MAGI1: variants seen among roughly 807,000 people sequenced by gnomAD.
MAGI1 encodes the protein membrane-associated guanylate kinase, WW and PDZ domain-containing protein 1.
In MAGI1, 58 loss-of-function variants were observed where a neutral mutation model predicts 139.9. The ratio of observed to expected loss-of-function variants is 0.41; its 90% CI spans 0.34 to 0.52. The LOEUF is 0.52. Among genes scored for constraint, MAGI1 ranks in the 20% least tolerant of loss-of-function variants. MAGI1 has a pLI of 0.12. For synonymous variants in MAGI1, 812 were observed against 737.9 expected (o/e 1.10, Z -1.63); for missense variants, 1,874 against 1,901.6 (o/e 0.99, Z 0.27).
chr3:65,970,501 A>G (rs2064969892), intron 1 of MAGI1, among the ~76,000 whole-genome samples: 2 of 151,366 alleles, frequency 1.3e-5, no homozygotes, highest in East Asian at 3.9e-4. Context: ...ATTTTGTGTC[A>G]GGTATACTTT....
In MAGI1 at chr3:65,578,999, G is replaced by A. The variant is rs796945603; in HGVS notation, c.430+42973C>T. On this transcript the variant is annotated intron_variant, in intron 2 of 22. Transcript: ENST00000402939. ...TATTCCCTGCAAGCTCTCCTAAAGC[G>A]ATGCATTTTTTTGCGGGGGAGGGGT... 6.9e-4 allele frequency among the ~76,000 whole-genome samples: 105 copies of A among 151,682 alleles called. 1 individual carries two copies. Among genetic ancestry groups the A allele is most frequent in the African/African-American group, 2.4e-3 (98 of 41,324 alleles).
chr3:65,760,931 G>C (rs1422434235), intron 1 of MAGI1, among the ~76,000 whole-genome samples: 2 of 152,200 alleles, frequency 1.3e-5, no homozygotes, highest in African/African-American at 2.4e-5. Flanking sequence ...TTTGAAACAA[G>C]GGGTAGAGGT....
At chr3:65,621,685 A>G (rs1458819751) in intron 2 of MAGI1, among the ~76,000 whole-genome samples, 1 of 152,184 alleles carries the variant, frequency 6.6e-6, no homozygotes, top group African/African-American at 2.4e-5. Context: ...TTGACTCCTC[A>G]TAGCAGTTCC....
chr3:65,504,613 C>T (rs183941268), intron 2 of MAGI1, among the ~76,000 whole-genome samples: 5 of 152,258 alleles, frequency 3.3e-5, no homozygotes, highest in African/African-American at 9.6e-5. Flanking sequence ...CACAGCTCTT[C>T]ACCCAGGGTT....
chr3:65,788,253 G>A (rs1036082181), intron 1 of MAGI1, among the ~76,000 whole-genome samples: 2 of 152,156 alleles, frequency 1.3e-5, no homozygotes, highest in Non-Finnish European at 2.9e-5. Flanking sequence ...AGTTTGTCCT[G>A]GGAATCACAC....
At chr3:65,635,189 C>T (rs1216260481) in intron 1 of MAGI1, among the ~76,000 whole-genome samples, 5 of 152,070 alleles carry the variant, frequency 3.3e-5, no homozygotes, top group East Asian at 1.9e-4. Context: ...CTCAGCCTCC[C>T]GAGTAGCTGG....
intron 17 of MAGI1, 116 bp from the exon 18 acceptor site, chr3:65,376,061 A>G: frequency 1.4e-6 from 1 of 740,552 alleles, no homozygotes; most frequent in South Asian, 1.8e-5. Context: ...TAAAGCATTA[A>G]GCAAATGTTA....
At position 65,998,988 on chromosome 3, in the gene MAGI1, C is replaced by A. The variant is rs553996057; in HGVS notation, c.313+39008G>T. Among the ~76,000 whole-genome samples the A allele has an allele frequency of 3.3e-5, 5 of 152,190 alleles. No homozygotes were observed. In the South Asian group the frequency reaches 1.0e-3, roughly 32 times the overall value. On this transcript the variant is annotated intron_variant, in intron 1 of 22. Transcript: ENST00000402939. ...AATCACATCTAAATGGGGATAAAAT[C>A]GCATTACATTCTAGAAGTACCTTTT...
At position 65,484,672 on chromosome 3, in the gene MAGI1, G is replaced by T. The variant is rs914516657; in HGVS notation, c.551-5874C>A. Reference sequence around the variant, plus strand: ...TCTTTTCACTCTGACCTCACTGGTTGCCTTTCAGCCCCCAGCATGTAAACT... The same window carrying T: ...TCTTTTCACTCTGACCTCACTGGTTTCCTTTCAGCCCCCAGCATGTAAACT... On this transcript the variant is annotated intron_variant, in intron 3 of 22. Coordinates refer to ENST00000402939, the MANE Select transcript of MAGI1 (RefSeq NM_001033057.2). Among the ~76,000 whole-genome samples, 14 of 151,950 alleles carry T rather than the reference G, an allele frequency of 9.2e-5. 1 individual carries two copies. The highest frequency in any genetic ancestry group is 1.5e-5 in the Non-Finnish European group (1 of 68,002).
chr3:65,504,473 G>A (rs1258573186), intron 2 of MAGI1, among the ~76,000 whole-genome samples: 1 of 152,174 alleles, frequency 6.6e-6, no homozygotes, highest in Non-Finnish European at 1.5e-5. Context: ...GAATTACACA[G>A]CTGGTAAGTG....
At position 65,990,694 on chromosome 3, in the gene MAGI1, A is replaced by G. The variant is rs149247132; in HGVS notation, c.313+47302T>C. On this transcript the variant is annotated intron_variant, in intron 1 of 22. Coordinates refer to ENST00000402939, the MANE Select transcript of MAGI1 (RefSeq NM_001033057.2). Reference sequence around the variant, plus strand: ...GAATGCTGACTATAAAAACTTAGTCATCTTCAAATATATAGGCCATTGTGC... The same window carrying G: ...GAATGCTGACTATAAAAACTTAGTCGTCTTCAAATATATAGGCCATTGTGC... Among the ~76,000 whole-genome samples the G allele has an allele frequency of 2.0e-5, 3 of 152,330 alleles. No homozygotes were observed. The East Asian group carries it at 5.8e-4, about 29-fold the overall frequency.
chr3:65,474,848 G>A (rs889263831), intron 4 of MAGI1, among the ~76,000 whole-genome samples: 2 of 152,132 alleles, frequency 1.3e-5, no homozygotes, highest in African/African-American at 2.4e-5. Flanking sequence ...CTCAGGCTGT[G>A]GAATCAGACT....
chr3:65,717,950 A>G (rs1559816042), intron 1 of MAGI1, among the ~76,000 whole-genome samples: 1 of 152,086 alleles, frequency 6.6e-6, no homozygotes, highest in East Asian at 1.9e-4. Context: ...CATAAGAAAG[A>G]TTTTTTTCCC....
At chr3:65,978,676 T>C (rs1309772363) in intron 1 of MAGI1, among the ~76,000 whole-genome samples, 1 of 148,604 alleles carries the variant, frequency 6.7e-6, no homozygotes, top group African/African-American at 2.5e-5. Flanking sequence ...TTGCCCAGGC[T>C]GGAGTGCAAT....
chr3:65,666,179 C>T (rs1192543852), intron 1 of MAGI1, among the ~76,000 whole-genome samples: 1 of 152,214 alleles, frequency 6.6e-6, no homozygotes, highest in Non-Finnish European at 1.5e-5. Flanking sequence ...CTCCCTGTTA[C>T]TCTCGGCAAA....
At position 65,493,573 on chromosome 3, in the gene MAGI1, A is replaced by T; in HGVS notation, c.489T>A (p.Thr163=). ...EVPGVDYNFL[T]VKEFLDLEQS... The stretch of plus-strand genomic sequence containing the variant: ...GCTCGAGGTCCAAGAACTCCTTCAC[A>T]GTCAGAAAGTTATAGTCCACGCCAG... The change falls in exon 3 of 23, where the codon ACT becomes ACA. Residue 163 remains threonine, a synonymous_variant. Transcript: ENST00000402939. 6.2e-7 allele frequency: 1 copy of T among 1,614,196 alleles called. No individual in the cohort carries two copies. Among genetic ancestry groups the T allele is most frequent in the East Asian group, 2.2e-5 (1 of 44,876 alleles).
chr3:65,801,969 A>AT (rs1171859070), intron 1 of MAGI1, among the ~76,000 whole-genome samples: 1 of 152,026 alleles, frequency 6.6e-6, no homozygotes, highest in Non-Finnish European at 1.5e-5. Context: ...CATGAAACCT[A>AT]TTTTGAACTG....
chr3:65,630,845 C>T (rs2107150869), intron 1 of MAGI1, among the ~76,000 whole-genome samples: 1 of 152,294 alleles, frequency 6.6e-6, no homozygotes, highest in East Asian at 1.9e-4. Context: ...CACCTGTACC[C>T]CAAACACTAC....
chr3:65,448,911 C>T (rs1331876282), intron 6 of MAGI1, among the ~76,000 whole-genome samples: 1 of 152,022 alleles, frequency 6.6e-6, no homozygotes, highest in Non-Finnish European at 1.5e-5. Context: ...CATAATGTTT[C>T]CCCAGGGTCA....
Sources: allele counts gnomAD v4.1 joint callset (sites outside exome capture counted in the v4.1 genomes callset), GRCh38; gene constraint gnomAD v4.1.1; transcripts MANE v1.5; gene names NCBI Gene and HGNC (gene_info 2026-07-23, HGNC 2026-07-21).